Variants in THSD7B observed in about 807,000 individuals in gnomAD.
THSD7B encodes the protein thrombospondin type 1 domain containing 7B, also known as thrombospondin type-1 domain-containing protein 7B.
THSD7B carries 138 observed loss-of-function variants against 213.6 expected under a neutral mutation model. The ratio of observed to expected loss-of-function variants is 0.65; its 90% CI spans 0.56 to 0.74. THSD7B has a LOEUF of 0.74. THSD7B is among the 30% of genes least tolerant of loss of function. The pLI is 0.00. For synonymous variants in THSD7B, 742 were observed against 687.0 expected, an observed-to-expected ratio of 1.08 and a Z score of -1.25; for missense variants, 1,931 against 1,991.5, an observed-to-expected ratio of 0.97 and a Z score of 0.58.
At chr2:136,816,308 C>T (rs183690087) in intron 1 of THSD7B, among the ~76,000 whole-genome samples, 1 of 152,250 alleles carries the variant, frequency 6.6e-6, no homozygotes, top group East Asian at 1.9e-4. Flanking sequence ...TTTGAGAGGC[C>T]TGGAAGGTAT....
chr2:136,955,406 G>A (rs1685107539), intron 2 of THSD7B, among the ~76,000 whole-genome samples: 1 of 152,158 alleles, frequency 6.6e-6, no homozygotes, highest in Admixed American at 6.5e-5. Context: ...GATTTGATAT[G>A]ACTAACATAA....
At chr2:137,493,589 C>T (rs992713269) in intron 15 of THSD7B, among the ~76,000 whole-genome samples, 1 of 152,158 alleles carries the variant, frequency 6.6e-6, no homozygotes, top group Admixed American at 6.5e-5. Context: ...TAAAAGAATG[C>T]CTGGTGGTAA....
At chr2:136,778,049 A>T (rs1456457456) in intron 1 of THSD7B, among the ~76,000 whole-genome samples, 1 of 152,160 alleles carries the variant, frequency 6.6e-6, no homozygotes, top group Non-Finnish European at 1.5e-5. Flanking sequence ...GTGTGGAGAG[A>T]ATGAAGGGCA....
At chr2:137,332,123 C>G (rs539674497) in intron 12 of THSD7B, among the ~76,000 whole-genome samples, 2 of 152,062 alleles carry the variant, frequency 1.3e-5, no homozygotes, top group African/African-American at 2.4e-5. Flanking sequence ...GAGGAGGCAC[C>G]GAGAGCGAGC....
intron 2 of THSD7B, among the ~76,000 whole-genome samples, chr2:136,895,998 AAT>A (rs1683953204): frequency 6.6e-6 from 1 of 152,206 alleles, no homozygotes; most frequent in Non-Finnish European, 1.5e-5. Flanking sequence ...CACATTTAAA[AAT>A]ATTCACATTT....
rs3050089 is a variant in THSD7B at position 137,097,769 on chromosome 2, GACACACACAC to G, written c.1199+2679_1199+2688del. Among the ~76,000 whole-genome samples, 3,398 of 141,450 alleles carry G rather than the reference GACACACACAC, an allele frequency of 0.024. 241 individuals carry two copies. The East Asian group carries it at 0.28, about 12-fold the overall frequency. 92.8% of individuals were successfully genotyped at this position (141,450 alleles called of 152,430 possible). On this transcript the variant is annotated intron_variant, in intron 4 of 27. Coordinates refer to ENST00000409968, the MANE Select transcript of THSD7B (RefSeq NM_001316349.2). ...ACTGTTTGAAAATGCCGCTAAGTTT[GACACACACAC>G]ACACACACACACACACACACACACA... is the stretch of plus-strand genomic sequence containing the variant.
chr2:137,558,425 A>G (rs773709169), intron 15 of THSD7B, among the ~76,000 whole-genome samples: 1 of 152,204 alleles, frequency 6.6e-6, no homozygotes, highest in Non-Finnish European at 1.5e-5. Flanking sequence ...AAATCAATAA[A>G]CATAATCCAG....
At chr2:136,886,872 C>T (rs1046191048) in intron 2 of THSD7B, among the ~76,000 whole-genome samples, 3 of 151,996 alleles carry the variant, frequency 2.0e-5, no homozygotes, top group East Asian at 1.9e-4. Context: ...GTGGAGGTGT[C>T]GACTAGGAAG....
At position 137,394,483 on chromosome 2, in the gene THSD7B, G is replaced by A. The variant is rs1286713590; in HGVS notation, c.2501-11130G>A. On this transcript the variant is annotated intron_variant, in intron 12 of 27. Transcript: ENST00000409968. ...GATCTGATAGTTGTAGATATGCGGC[G>A]TTATTTCTGAGGGCTGTGTTCTGTT... Among the ~76,000 whole-genome samples, 106 of 137,802 alleles carry A rather than the reference G, an allele frequency of 7.7e-4. 11 individuals carry two copies. Among genetic ancestry groups the A allele is most frequent in the Admixed American group, 3.0e-3 (42 of 13,938 alleles). 90.4% of individuals were successfully genotyped at this position (137,802 alleles called of 152,430 possible).
chr2:136,925,137 T>A (rs1203265379), intron 2 of THSD7B, among the ~76,000 whole-genome samples: 1 of 152,210 alleles, frequency 6.6e-6, no homozygotes. Context: ...ATAATTTTAT[T>A]CCTCTTTTAC....
chr2:137,107,148 C>T (rs940810899), intron 4 of THSD7B, among the ~76,000 whole-genome samples: 34 of 152,132 alleles, frequency 2.2e-4, no homozygotes, highest in African/African-American at 8.2e-4. Context: ...CCCAAATGCC[C>T]ATCAATAGGC....
intron 12 of THSD7B, among the ~76,000 whole-genome samples, chr2:137,398,967 G>C (rs1444515945): frequency 1.3e-5 from 2 of 152,254 alleles, no homozygotes; most frequent in East Asian, 3.9e-4. Flanking sequence ...CTCGGAAAGG[G>C]AACTCCCTGA....
intron 2 of THSD7B, among the ~76,000 whole-genome samples, chr2:137,041,954 G>T (rs938106447): frequency 6.6e-6 from 1 of 152,156 alleles, no homozygotes; most frequent in Non-Finnish European, 1.5e-5. Flanking sequence ...CCTTTTCACG[G>T]TCTGTAAATT....
intron 12 of THSD7B, among the ~76,000 whole-genome samples, chr2:137,395,022 G>A (rs982307069): frequency 2.1e-5 from 3 of 142,920 alleles, no homozygotes; most frequent in East Asian, 2.0e-4. Context: ...TGTATCCTGA[G>A]ACTTTGCTGA....
chr2:136,825,026 A>C (rs1229936971), intron 1 of THSD7B, among the ~76,000 whole-genome samples: 1 of 152,034 alleles, frequency 6.6e-6, no homozygotes, highest in Non-Finnish European at 1.5e-5. Context: ...TTTCTAATTG[A>C]CTCCTGTCAA....
Position 137,676,594 on chromosome 2 carries a change from T to G in THSD7B, c.4810T>G (p.Leu1604Val). ...TCTGACCTTAGCCTACGATGGAGAC[T>G]TAGACATGTAATCTGAAAAAGAAAT... Reference protein sequence around the residue: ...KPLTLAYDGDLDM With the variant: ...KPLTLAYDGDVDM Residue 1604 changes from leucine to valine, a missense_variant, in exon 28 of 28, where the codon TTA becomes GTA. By Grantham distance (32) the Leu-to-Val change is conservative (BLOSUM62 1). Transcript: ENST00000409968. 6.3e-7 allele frequency: 1 copy of G among 1,582,696 alleles called. No homozygotes were observed. Among genetic ancestry groups the G allele is most frequent in the Non-Finnish European group, 8.6e-7 (1 of 1,166,458 alleles).
intron 2 of THSD7B, among the ~76,000 whole-genome samples, chr2:136,938,265 A>G (rs1026104390): frequency 1.3e-5 from 2 of 152,192 alleles, no homozygotes; most frequent in African/African-American, 2.4e-5. Context: ...AAAGGACAGA[A>G]AATGAGCCTT....
At chr2:137,444,632 G>A (rs1293014701) in intron 14 of THSD7B, among the ~76,000 whole-genome samples, 1 of 151,862 alleles carries the variant, frequency 6.6e-6, no homozygotes, top group African/African-American at 2.4e-5. Flanking sequence ...ATCAATTAAA[G>A]ACTTAAATAT....
chr2:137,598,877 C>CTTT (rs57408242), intron 17 of THSD7B, among the ~76,000 whole-genome samples: 1 of 138,360 alleles, frequency 7.2e-6, no homozygotes, highest in African/African-American at 2.6e-5. Context: ...CATTTTGGTT[C>CTTT]TTTTTTTTTT....
Sources: gnomAD v4.1 joint callset for allele counts (sites outside exome capture counted in the v4.1 genomes callset) on GRCh38, gnomAD v4.1.1 for gene constraint, MANE v1.5 for transcripts, NCBI Gene and HGNC (gene_info 2026-07-23, HGNC 2026-07-21) for gene names.